The following DNAH3 variants were observed in gnomAD, a reference collection of about 807,000 sequenced individuals.
The protein encoded by DNAH3 is dynein axonemal heavy chain 3.
DNAH3 carries 332 observed loss-of-function variants against 432.5 expected under a neutral mutation model. The observed-to-expected ratio is 0.77, with a 90% CI of 0.70 to 0.84. The LOEUF (loss-of-function observed/expected upper bound fraction) is 0.84, where lower values mean the gene tolerates loss of function less well. Ranked by LOEUF, DNAH3 falls within the 40% of genes least tolerant of loss-of-function variation. DNAH3 has a pLI of 0.00. For synonymous variants in DNAH3, 1,956 were observed against 1,900.2 expected, an observed-to-expected ratio of 1.03 and a Z score of -0.76; for missense variants, 4,861 against 5,114.0, an observed-to-expected ratio of 0.95 and a Z score of 1.51.
intron 1 of DNAH3, among the ~76,000 whole-genome samples, chr16:21,152,125 T>A (rs1366846330): frequency 6.6e-6 from 1 of 151,920 alleles, no homozygotes; most frequent in Non-Finnish European, 1.5e-5. Context: ...TCCCAGCTAC[T>A]TGGGGGGCTG....
At chr16:21,087,149 C>T (rs2091404794) in intron 18 of DNAH3, 89 bp from the exon 19 acceptor site, 2 of 1,136,134 alleles carry the variant, frequency 1.8e-6, no homozygotes, top group Non-Finnish European at 1.3e-6. Context: ...AGCTGTGCCT[C>T]CTGTCGTTTG....
chr16:21,152,606 C>A (rs2092865550), intron 1 of DNAH3, among the ~76,000 whole-genome samples: 1 of 152,234 alleles, frequency 6.6e-6, no homozygotes, highest in African/African-American at 2.4e-5. Flanking sequence ...GGGAGAGGCG[C>A]GAGCGGGAAC....
At chr16:21,060,772 ACCTCGG>A (rs2090328435) in intron 25 of DNAH3, among the ~76,000 whole-genome samples, 1 of 145,160 alleles carries the variant, frequency 6.9e-6, no homozygotes, top group Non-Finnish European at 1.5e-5. Flanking sequence ...TGATCTGCCC[ACCTCGG>A]CCTCCAAAGT....
At chr16:20,996,606 A>G (rs2086773525) in intron 44 of DNAH3, among the ~76,000 whole-genome samples, 3 of 152,106 alleles carry the variant, frequency 2.0e-5, no homozygotes, top group Admixed American at 1.3e-4. Flanking sequence ...CTACAGGCAC[A>G]AGCCACCAAG....
At chr16:21,125,625 C>A (rs769231574) in intron 8 of DNAH3, among the ~76,000 whole-genome samples, 1 of 152,132 alleles carries the variant, frequency 6.6e-6, no homozygotes, top group Non-Finnish European at 1.5e-5. Context: ...GGTGGCACAT[C>A]CTGCTGAAAG....
At chr16:21,076,412 T>C (rs189487428) in intron 20 of DNAH3, among the ~76,000 whole-genome samples, 2 of 152,318 alleles carry the variant, frequency 1.3e-5, no homozygotes, top group Admixed American at 1.3e-4. Flanking sequence ...TAAATTTCTG[T>C]TGTGTAAGCC....
intron 7 of DNAH3, among the ~76,000 whole-genome samples, chr16:21,132,733 T>C (rs951859533): frequency 1.1e-4 from 17 of 151,934 alleles, no homozygotes; most frequent in African/African-American, 3.9e-4. Context: ...TGGGAGGAAA[T>C]GGGGGAAGGT....
At chr16:21,085,269 C>T (rs1431287472) in intron 19 of DNAH3, among the ~76,000 whole-genome samples, 1 of 152,018 alleles carries the variant, frequency 6.6e-6, no homozygotes, top group Non-Finnish European at 1.5e-5. Context: ...CCCAGCCAGG[C>T]ACGGTGGCTC....
At chr16:21,108,096 A>G (rs563406297) in intron 14 of DNAH3, among the ~76,000 whole-genome samples, 2 of 151,368 alleles carry the variant, frequency 1.3e-5, no homozygotes, top group East Asian at 3.9e-4. Context: ...CTGGTCTTGA[A>G]CTCCTGACCT....
chr16:21,040,011 G>A, intron 32 of DNAH3, 68 bp from the exon 33 acceptor site: 2 of 1,256,960 alleles, frequency 1.6e-6, no homozygotes, highest in Non-Finnish European at 2.3e-6. Context: ...CACATTCACA[G>A]AAGCAAAGGG....
intron 1 of DNAH3, among the ~76,000 whole-genome samples, chr16:21,154,008 G>A (rs1400981440): frequency 6.6e-6 from 1 of 152,230 alleles, no homozygotes; most frequent in African/African-American, 2.4e-5. Context: ...GAGAGCTGGA[G>A]ACTCTGGTTT....
At chr16:21,000,162 T>C (rs1453613043) in intron 43 of DNAH3, 62 bp downstream of exon 43, 5 of 1,529,038 alleles carry the variant, frequency 3.3e-6, no homozygotes, top group Admixed American at 3.6e-5. Context: ...GCAGAAGCTA[T>C]AGTTTGCTGC....
chr16:20,942,854 A>G (rs1261461740), intron 58 of DNAH3, among the ~76,000 whole-genome samples: 1 of 152,184 alleles, frequency 6.6e-6, no homozygotes, highest in Non-Finnish European at 1.5e-5. Context: ...CAGAAAAATC[A>G]TGTTGAGTCA....
chr16:21,129,940 AATTT>A (rs1207987941), intron 7 of DNAH3: 2 of 151,966 alleles, frequency 1.3e-5, no homozygotes, highest in Non-Finnish European at 2.9e-5. Context: ...CATATTATAT[AATTT>A]ATTTACCTAA....
chr16:20,969,805 GTCTGGCTTCCTC>G, exon 52 of DNAH3: 1 of 1,614,166 alleles, frequency 6.2e-7, no homozygotes, highest in East Asian at 2.2e-5. Context: ...AGCCACTGGG[GTCTGGCTTCCTC>G]TCTGGCTTCA....
At chr16:21,115,246 G>A (rs943421873) in intron 12 of DNAH3, among the ~76,000 whole-genome samples, 4 of 151,928 alleles carry the variant, frequency 2.6e-5, no homozygotes, top group Non-Finnish European at 4.4e-5. Flanking sequence ...CTGTCATGGG[G>A]TTGGGGGATC....
At chr16:20,940,541 C>T (rs2083766317) in intron 59 of DNAH3, among the ~76,000 whole-genome samples, 1 of 151,242 alleles carries the variant, frequency 6.6e-6, no homozygotes, top group African/African-American at 2.4e-5. Flanking sequence ...GATCCTCCCA[C>T]TTCACCCTCC....
chr16:20,988,878 A>G (rs184471246), intron 44 of DNAH3, among the ~76,000 whole-genome samples: 1 of 152,046 alleles, frequency 6.6e-6, no homozygotes, highest in Non-Finnish European at 1.5e-5. Flanking sequence ...TCAGGAGTGA[A>G]GCTGCAGACC....
intron 17 of DNAH3, 26 bp downstream of exon 17, chr16:21,098,590 T>A: frequency 6.2e-7 from 1 of 1,600,236 alleles, no homozygotes; most frequent in Non-Finnish European, 8.5e-7. Context: ...TACAGTGTCA[T>A]AAGTCCCCAT....
Sources: allele counts gnomAD v4.1 joint callset (sites outside exome capture counted in the v4.1 genomes callset), GRCh38; gene constraint gnomAD v4.1.1; transcripts MANE v1.5; gene names NCBI Gene and HGNC (gene_info 2026-07-23, HGNC 2026-07-21).